The following FIP1L1 variants were observed in gnomAD, a reference collection of about 807,000 sequenced individuals.
The protein encoded by FIP1L1 is factor interacting with PAPOLA and CPSF1.
In FIP1L1, 21 loss-of-function variants were observed where a neutral mutation model predicts 84.6. That is an observed-to-expected ratio of 0.25 (90% confidence interval 0.18 to 0.36). The LOEUF (loss-of-function observed/expected upper bound fraction) is 0.36. Ranked by LOEUF, FIP1L1 falls within the 10% of genes least tolerant of loss-of-function variation. The pLI, the probability that FIP1L1 is intolerant of heterozygous loss-of-function variation, is 1.00. For synonymous variants in FIP1L1, 263 were observed against 242.3 expected (o/e 1.09, Z -0.80); for missense variants, 526 against 751.1 (o/e 0.70, Z 3.50).
intron 6 of FIP1L1, 148 bp downstream of exon 6, chr4:53,390,021 C>T (rs1743331433): frequency 1.0e-5 from 6 of 583,152 alleles, no homozygotes; most frequent in Non-Finnish European, 1.8e-5. Flanking sequence ...TCACTGCAAC[C>T]TCCGTCTCCT....
At chr4:53,427,007 T>A (rs1764605061) in intron 12 of FIP1L1, among the ~76,000 whole-genome samples, 1 of 152,208 alleles carries the variant, frequency 6.6e-6, no homozygotes, top group African/African-American at 2.4e-5. Flanking sequence ...TTTGATAAGT[T>A]GATCATGTAA....
intron 13 of FIP1L1, among the ~76,000 whole-genome samples, chr4:53,438,620 G>A (rs1157274493): frequency 6.6e-6 from 1 of 152,134 alleles, no homozygotes; most frequent in South Asian, 2.1e-4. Flanking sequence ...AAATGACATG[G>A]TTTTTTCTTT....
At chr4:53,383,675 G>GAAA in intron 4 of FIP1L1, 98 bp from the exon 5 acceptor site, 14 of 1,006,332 alleles carry the variant, frequency 1.4e-5, no homozygotes, top group East Asian at 3.2e-5. Context: ...ACAGAAGAAA[G>GAAA]AAAAAAAAAA....
At position 53,381,753 on chromosome 4, in the gene FIP1L1, C is replaced by CT. The variant is rs531488760; in HGVS notation, c.171-501dup. 1.1e-3 allele frequency among the ~76,000 whole-genome samples: 95 copies of CT among 87,920 alleles called. 18 individuals are homozygous for CT. The highest frequency in any genetic ancestry group is 4.5e-3 in the South Asian group (9 of 2,008). The allele number at this position is 87,920 out of a possible 152,430, so 57.7% of individuals were successfully genotyped here. On this transcript the variant is annotated intron_variant, in intron 3 of 17. Transcript: ENST00000337488. ...AATAAACTGTGAAGGCATTTGCATT[C>CT]TTTTTTTTTTTTTTTTTTTTTTTTG... is the stretch of plus-strand genomic sequence containing the variant.
chr4:53,419,031 TTTTG>T (rs1761036979), intron 11 of FIP1L1, among the ~76,000 whole-genome samples: 2 of 152,134 alleles, frequency 1.3e-5, no homozygotes, highest in Admixed American at 6.5e-5. Flanking sequence ...CTTTGGGGTT[TTTTG>T]TTTGTTTTTT....
intron 5 of FIP1L1, among the ~76,000 whole-genome samples, chr4:53,385,998 A>C (rs1740837567): frequency 6.6e-6 from 1 of 151,978 alleles, no homozygotes; most frequent in Non-Finnish European, 1.5e-5. Context: ...CCAAGGACTG[A>C]ATTGATTTAT....
chr4:53,460,323 G>T lies in FIP1L1; in HGVS notation c.*874G>T, dbSNP rs1483194100. ...AATTCTCTGAGCGAGCATTTTTAGGGATAAGCCTAGGAGGTATTCATCGGT... is the reference window on the plus strand; with the variant it reads ...AATTCTCTGAGCGAGCATTTTTAGGTATAAGCCTAGGAGGTATTCATCGGT... On this transcript the variant is annotated 3_prime_UTR_variant, in exon 18 of 18. Coordinates refer to ENST00000337488, the MANE Select transcript of FIP1L1 (RefSeq NM_030917.4). 1 of 189,240 alleles carries T rather than the reference G, an allele frequency of 5.3e-6. No individual in the cohort carries two copies. Among genetic ancestry groups the T allele is most frequent in the Admixed American group, 6.2e-5 (1 of 16,256 alleles). 11.7% of individuals were successfully genotyped at this position (189,240 alleles called of 1,614,324 possible).
intron 17 of FIP1L1, among the ~76,000 whole-genome samples, chr4:53,459,000 C>T (rs1720997552): frequency 6.6e-6 from 1 of 152,022 alleles, no homozygotes; most frequent in Non-Finnish European, 1.5e-5. Flanking sequence ...TACAGTATTT[C>T]CGGTTTTGAG....
At chr4:53,396,971 T>G (rs1358326928) in intron 9 of FIP1L1, among the ~76,000 whole-genome samples, 3 of 152,212 alleles carry the variant, frequency 2.0e-5, no homozygotes, top group Non-Finnish European at 1.5e-5. Context: ...TGGAGAATTA[T>G]GGAGTATGAA....
intron 11 of FIP1L1, among the ~76,000 whole-genome samples, chr4:53,423,444 A>G (rs1763161413): frequency 6.6e-6 from 1 of 152,218 alleles, no homozygotes; most frequent in Admixed American, 6.5e-5. Context: ...TTCTTAAGCA[A>G]TGAAAGAAAA....
intron 10 of FIP1L1, among the ~76,000 whole-genome samples, chr4:53,404,851 A>T (rs1188106560): frequency 6.6e-5 from 10 of 151,454 alleles, no homozygotes; most frequent in Admixed American, 4.6e-4. Flanking sequence ...CCACTTTTTG[A>T]TGGGGTTGTT....
rs530828165 is a variant in FIP1L1 at position 53,460,584 on chromosome 4, A to C, written c.*1135A>C. 4 of 251,780 alleles carry C rather than the reference A, an allele frequency of 1.6e-5. No individual in the cohort carries two copies. The highest frequency in any genetic ancestry group is 2.3e-5 in the Non-Finnish European group (3 of 132,354). The allele number at this position is 251,780 out of a possible 1,614,324, so 15.6% of individuals were successfully genotyped here. On this transcript the variant is annotated 3_prime_UTR_variant, in exon 18 of 18. Coordinates refer to ENST00000337488, the MANE Select transcript of FIP1L1 (RefSeq NM_030917.4). ...CCTTGGCAGACTTCAGCATATACCAAATTTTAAATTTAAATCAGCTTGAAT... is the reference window on the plus strand; with the variant it reads ...CCTTGGCAGACTTCAGCATATACCACATTTTAAATTTAAATCAGCTTGAAT...
At chr4:53,405,033 T>C (rs1379741397) in intron 10 of FIP1L1, among the ~76,000 whole-genome samples, 5 of 152,196 alleles carry the variant, frequency 3.3e-5, no homozygotes, top group African/African-American at 9.7e-5. Flanking sequence ...TTTGTCAGTT[T>C]TGGCTTTTGT....
intron 12 of FIP1L1, 114 bp from the exon 13 acceptor site, chr4:53,427,913 A>T (rs565895920): frequency 1.7e-4 from 145 of 872,750 alleles, no homozygotes; most frequent in Middle Eastern, 7.1e-4. Context: ...AAATACATAT[A>T]TGTGAATTAA....
chr4:53,396,625 C>T (rs1437871510), intron 9 of FIP1L1, among the ~76,000 whole-genome samples: 2 of 151,918 alleles, frequency 1.3e-5, no homozygotes, highest in Non-Finnish European at 2.9e-5. Context: ...AGGCTGGTCT[C>T]GAACTCCTGA....
Position 53,381,753 on chromosome 4 carries a change from C to CTTTTTTTTT in FIP1L1, c.171-509_171-501dup, listed in dbSNP as rs531488760. ...AATAAACTGTGAAGGCATTTGCATT[C>CTTTTTTTTT]TTTTTTTTTTTTTTTTTTTTTTTTG... On this transcript the variant is annotated intron_variant, in intron 3 of 17. Coordinates refer to ENST00000337488, the MANE Select transcript of FIP1L1 (RefSeq NM_030917.4). 2.7e-3 allele frequency among the ~76,000 whole-genome samples: 236 copies of CTTTTTTTTT among 87,930 alleles called. 22 individuals are homozygous for CTTTTTTTTT. The highest frequency in any genetic ancestry group is 8.0e-3 in the African/African-American group (145 of 18,028). 57.7% of individuals were successfully genotyped at this position (87,930 alleles called of 152,430 possible).
intron 11 of FIP1L1, among the ~76,000 whole-genome samples, chr4:53,419,290 G>C (rs1761134250): frequency 6.6e-6 from 1 of 152,052 alleles, no homozygotes; most frequent in African/African-American, 2.4e-5. Flanking sequence ...AAAAAATTCA[G>C]ACCCCAGAAA....
intron 10 of FIP1L1, among the ~76,000 whole-genome samples, chr4:53,407,798 C>G (rs1273079916): frequency 1.3e-5 from 2 of 152,046 alleles, no homozygotes; most frequent in African/African-American, 4.8e-5. Flanking sequence ...TCTGTTTTAT[C>G]AGAGACTAGG....
chr4:53,403,259 A>G (rs1298184443), intron 10 of FIP1L1, among the ~76,000 whole-genome samples: 4 of 152,204 alleles, frequency 2.6e-5, no homozygotes, highest in African/African-American at 9.6e-5. Flanking sequence ...GAGAAACTGT[A>G]CAGTACTACT....
Sources: allele counts gnomAD v4.1 joint callset (sites outside exome capture counted in the v4.1 genomes callset), GRCh38; gene constraint gnomAD v4.1.1; transcripts MANE v1.5; gene names NCBI Gene and HGNC (gene_info 2026-07-23, HGNC 2026-07-21).